The following ARHGAP42 variants were observed in gnomAD, a reference collection of about 807,000 sequenced individuals.
The protein encoded by ARHGAP42 is Rho GTPase activating protein 42, also known as rho GTPase-activating protein 42.
In ARHGAP42, 63 loss-of-function variants were observed where a neutral mutation model predicts 125.0. The ratio of observed to expected loss-of-function variants is 0.50; its 90% confidence interval spans 0.41 to 0.62. ARHGAP42 has a LOEUF of 0.62. Among genes scored for constraint, ARHGAP42 ranks in the 20% least tolerant of loss-of-function variants. The pLI is 0.00. For synonymous variants in ARHGAP42, 339 were observed against 351.0 expected, an observed-to-expected ratio of 0.97 and a Z score of 0.38; for missense variants, 766 against 1,024.2, an observed-to-expected ratio of 0.75 and a Z score of 3.44.
intron 1 of ARHGAP42, among the ~76,000 whole-genome samples, chr11:100,717,464 C>T (rs963120116): frequency 6.6e-6 from 1 of 151,802 alleles, no homozygotes; most frequent in African/African-American, 2.4e-5. Flanking sequence ...AGTGAAACCC[C>T]GTCTCTACTA....
intron 13 of ARHGAP42, among the ~76,000 whole-genome samples, chr11:100,960,601 T>C (rs916586223): frequency 1.3e-5 from 2 of 152,178 alleles, no homozygotes; most frequent in African/African-American, 2.4e-5. Flanking sequence ...ACTCCATGAC[T>C]CTGAAGAAAT....
At chr11:100,688,028 G>T in intron 1 of ARHGAP42, 196 bp downstream of exon 1, 1 of 510,622 alleles carries the variant, frequency 2.0e-6, no homozygotes, top group South Asian at 3.4e-5. Context: ...TGTCTACAGG[G>T]ATGGGGAAAG....
At chr11:100,793,944 G>A (rs1863638145) in intron 2 of ARHGAP42, among the ~76,000 whole-genome samples, 1 of 151,704 alleles carries the variant, frequency 6.6e-6, no homozygotes, top group African/African-American at 2.4e-5. Flanking sequence ...AAATTAGCCA[G>A]GTGTGGTACA....
chr11:100,827,935 A>G (rs1372406092), intron 3 of ARHGAP42, among the ~76,000 whole-genome samples: 6 of 152,344 alleles, frequency 3.9e-5, no homozygotes, highest in African/African-American at 1.4e-4. Context: ...CTCCTTCACC[A>G]CATGGGAGTG....
rs1490300118 is a variant in ARHGAP42 at position 100,964,712 on chromosome 11, A to G, written c.1445-959A>G. Among the ~76,000 whole-genome samples the G allele has an allele frequency of 2.6e-5, 4 of 152,236 alleles. No homozygotes were observed. In the East Asian group the frequency reaches 7.7e-4, roughly 29 times the overall value. ...CAACATCTTAGCTTTGACTTGGCAG[A>G]CGACACTTGCCATAAATGAGTTCTT... On this transcript the variant is annotated intron_variant, in intron 16 of 23. Coordinates refer to ENST00000298815, the MANE Select transcript of ARHGAP42 (RefSeq NM_152432.4).
chr11:100,737,196 G>C (rs1862085509), intron 1 of ARHGAP42, among the ~76,000 whole-genome samples: 1 of 152,150 alleles, frequency 6.6e-6, no homozygotes, highest in African/African-American at 2.4e-5. Flanking sequence ...GCTTTTGATA[G>C]TATTAAGGAA....
intron 4 of ARHGAP42, among the ~76,000 whole-genome samples, chr11:100,864,032 G>C (rs1381244770): frequency 6.6e-6 from 1 of 152,154 alleles, no homozygotes; most frequent in East Asian, 1.9e-4. Context: ...GATGCTTTTT[G>C]AATAAATTGA....
In ARHGAP42 at chr11:100,936,257, A is replaced by T; in HGVS notation, c.757A>T (p.Met253Leu). 2 of 1,551,730 alleles carry T rather than the reference A, an allele frequency of 1.3e-6. No homozygotes were observed. Among genetic ancestry groups the T allele is most frequent in the East Asian group, 2.4e-5 (1 of 40,914 alleles). Residue 253 changes from methionine (M) to leucine (L), a missense_variant, in exon 8 of 24, where the codon ATG becomes TTG. Physicochemically the swap from Met to Leu is conservative, Grantham distance 15. This residue lies in a region of ARHGAP42 where 455 missense variants were observed against 636.5 expected (regional missense o/e 0.71). Transcript: ENST00000298815. ...RQEVERLMQR[M>L]KSANQDYRPP... ...AGAGGTAGAGCGGTTGATGCAAAGG[A>T]TGAAATCTGCTAACCAGGACTACAG... is the stretch of plus-strand genomic sequence containing the variant.
chr11:100,852,954 A>C (rs1865239769), intron 3 of ARHGAP42, among the ~76,000 whole-genome samples: 1 of 152,188 alleles, frequency 6.6e-6, no homozygotes. Flanking sequence ...AGGAGCGAGT[A>C]TTTAACCTGT....
At chr11:100,714,311 A>G (rs1434469971) in intron 1 of ARHGAP42, among the ~76,000 whole-genome samples, 2 of 152,218 alleles carry the variant, frequency 1.3e-5, no homozygotes, top group Non-Finnish European at 2.9e-5. Flanking sequence ...TCCTAATTCT[A>G]CTAAACTTTA....
intron 12 of ARHGAP42, 139 bp downstream of exon 12, chr11:100,950,095 A>G (rs1428202525): frequency 2.5e-6 from 1 of 405,106 alleles, no homozygotes; most frequent in Non-Finnish European, 4.2e-6. Context: ...ATTTTTATTT[A>G]AAATGTTTCT....
chr11:100,734,072 T>G (rs149009293), intron 1 of ARHGAP42, among the ~76,000 whole-genome samples: 1 of 149,910 alleles, frequency 6.7e-6, no homozygotes, highest in Non-Finnish European at 1.5e-5. Flanking sequence ...GTAGCTGGGA[T>G]TACAGGCACC....
At chr11:100,969,954 TC>T (rs1236509770) in intron 17 of ARHGAP42, among the ~76,000 whole-genome samples, 2 of 152,104 alleles carry the variant, frequency 1.3e-5, no homozygotes, top group Non-Finnish European at 2.9e-5. Flanking sequence ...GTACTGATTC[TC>T]TCTAGCTTTT....
chr11:100,710,932 C>T (rs1182172416), intron 1 of ARHGAP42, among the ~76,000 whole-genome samples: 1 of 152,118 alleles, frequency 6.6e-6, no homozygotes, highest in Admixed American at 6.5e-5. Context: ...GGTGCCACAC[C>T]CCCTCAGATC....
intron 3 of ARHGAP42, among the ~76,000 whole-genome samples, chr11:100,817,846 C>T (rs1864305682): frequency 6.6e-6 from 1 of 152,152 alleles, no homozygotes; most frequent in Non-Finnish European, 1.5e-5. Context: ...CAGCTATCTC[C>T]ATACCCCAAA....
At chr11:100,705,743 A>AT (rs978217857) in intron 1 of ARHGAP42, among the ~76,000 whole-genome samples, 4 of 151,858 alleles carry the variant, frequency 2.6e-5, no homozygotes, top group African/African-American at 7.3e-5. Context: ...TTTTTATTTT[A>AT]TTTTTTAGAG....
chr11:100,828,148 T>C (rs572555277), intron 3 of ARHGAP42, among the ~76,000 whole-genome samples: 154 of 147,692 alleles, frequency 1.0e-3, no homozygotes, highest in African/African-American at 3.5e-3. Flanking sequence ...CTATCAGTCC[T>C]CCAAGTGGTC....
chr11:100,934,316 A>T (rs1002022270), intron 7 of ARHGAP42, among the ~76,000 whole-genome samples: 1 of 152,144 alleles, frequency 6.6e-6, no homozygotes, highest in Non-Finnish European at 1.5e-5. Context: ...GTGTTCACGC[A>T]TGTGTGTGAG....
chr11:100,825,541 G>T (rs141927259), intron 3 of ARHGAP42, among the ~76,000 whole-genome samples: 9 of 152,266 alleles, frequency 5.9e-5, no homozygotes, highest in African/African-American at 2.2e-4. Flanking sequence ...TAATTTGTAC[G>T]TGAAGAATAT....
Sources: gnomAD v4.1 joint callset for allele counts (sites outside exome capture counted in the v4.1 genomes callset) on GRCh38, gnomAD v4.1.1 for gene constraint, gnomAD v4.1.1 regional missense constraint, MANE v1.5 for transcripts, NCBI Gene and HGNC (gene_info 2026-07-23, HGNC 2026-07-21) for gene names.